The following RGSL1 variants were observed in gnomAD, a reference collection of about 807,000 sequenced individuals.
RGSL1 encodes the protein regulator of G protein signaling like 1.
A neutral mutation model predicts 124.7 loss-of-function variants in RGSL1; 97 were observed. That is an observed-to-expected ratio of 0.78 (90% CI 0.66 to 0.92). The LOEUF (loss-of-function observed/expected upper bound fraction) is 0.92. RGSL1 is among the 40% of genes least tolerant of loss of function. The probability of loss-of-function intolerance (pLI) is 0.00; values close to 1 mark genes in which losing one functional copy is unlikely to be tolerated. For missense variants in RGSL1, 1,233 were observed against 1,288.4 expected (o/e 0.96, Z 0.66); for synonymous variants, 424 against 438.1 (o/e 0.97, Z 0.40).
chr1:182,525,103 C>T (rs113479838), intron 10 of RGSL1, among the ~76,000 whole-genome samples: 1 of 152,046 alleles, frequency 6.6e-6, no homozygotes, highest in Admixed American at 6.6e-5. Context: ...TAACAAAAAG[C>T]GAAACATAAA....
chr1:182,505,156 A>C (rs1656719696), intron 9 of RGSL1, among the ~76,000 whole-genome samples: 1 of 152,186 alleles, frequency 6.6e-6, no homozygotes, highest in Non-Finnish European at 1.5e-5. Flanking sequence ...AAATTCTTTT[A>C]GTAATTTCAC....
At chr1:182,461,179 A>G (rs1163935946) in intron 4 of RGSL1, among the ~76,000 whole-genome samples, 4 of 151,612 alleles carry the variant, frequency 2.6e-5, no homozygotes, top group Admixed American at 2.6e-4. Flanking sequence ...GGATTAGGGC[A>G]TTCAAAAACA....
intron 9 of RGSL1, among the ~76,000 whole-genome samples, chr1:182,511,568 G>T (rs74666557): frequency 0.03 from 4,530 of 152,238 alleles, 194 homozygotes; most frequent in African/African-American, 0.098. Flanking sequence ...GGCTGTAAAG[G>T]CATGGATTTA....
chr1:182,467,773 T>C (rs577698710), intron 4 of RGSL1, among the ~76,000 whole-genome samples: 52 of 152,282 alleles, frequency 3.4e-4, no homozygotes, highest in African/African-American at 1.1e-3. Flanking sequence ...AAACAGGATC[T>C]AATTAAACTA....
chr1:182,545,390 T>C lies in RGSL1; in HGVS notation c.2670-2927T>C, dbSNP rs79573761. On this transcript the variant is annotated intron_variant, in intron 15 of 21. Transcript: ENST00000294854. ...AGATTGCTTTAGCTATTGTTCCTTC[T>C]GACAAATTTGTCTTTTAGGCTTCAT... Among the ~76,000 whole-genome samples, 452 of 152,310 alleles carry C rather than the reference T, an allele frequency of 3.0e-3. 5 individuals carry two copies. The highest frequency in any genetic ancestry group is 0.029 in the East Asian group (153 of 5,188).
chr1:182,502,402 CCT>C (rs922466715), intron 9 of RGSL1, among the ~76,000 whole-genome samples: 4 of 152,092 alleles, frequency 2.6e-5, no homozygotes, highest in South Asian at 4.2e-4. Context: ...ATAATGAGAC[CCT>C]GTCTCTACAA....
intron 15 of RGSL1, among the ~76,000 whole-genome samples, chr1:182,542,064 CAGA>C (rs1234255345): frequency 1.3e-5 from 2 of 152,130 alleles, no homozygotes. Context: ...CTTTGCTGTG[CAGA>C]AGCTTTTTAG....
intron 2 of RGSL1, among the ~76,000 whole-genome samples, chr1:182,454,584 G>GTA (rs1246426140): frequency 9.4e-6 from 1 of 106,600 alleles, no homozygotes; most frequent in South Asian, 3.4e-4. Context: ...CTCTTGAGTT[G>GTA]TATGTGTGTG....
chr1:182,515,455 T>C (rs1351631576), intron 9 of RGSL1, among the ~76,000 whole-genome samples: 3 of 150,350 alleles, frequency 2.0e-5, no homozygotes, highest in East Asian at 3.9e-4. Flanking sequence ...CCTGGCGAAT[T>C]TGCAGTTACT....
At chr1:182,496,983 C>A (rs777064307) in intron 9 of RGSL1, among the ~76,000 whole-genome samples, 1 of 152,056 alleles carries the variant, frequency 6.6e-6, no homozygotes, top group Non-Finnish European at 1.5e-5. Flanking sequence ...AATGCTTAGC[C>A]TTTATTGTTT....
At chr1:182,521,302 C>T (rs537369891) in intron 9 of RGSL1, among the ~76,000 whole-genome samples, 14 of 152,270 alleles carry the variant, frequency 9.2e-5, no homozygotes, top group African/African-American at 3.1e-4. Flanking sequence ...ATCTCCCAGC[C>T]TCAAGTGATC....
rs78720737 is a variant in RGSL1, at chr1:182,536,208, A to G, written c.2494+3417A>G. On this transcript the variant is annotated intron_variant, in intron 14 of 21. Transcript: ENST00000294854. ...TGTTTATTCATTCACCAATTGTTAC[A>G]TATTGGGTTGATTTCACTTTGGGGC... Among the ~76,000 whole-genome samples the G allele has an allele frequency of 9.6e-3, 1,464 of 152,268 alleles. 29 individuals carry two copies. Among genetic ancestry groups the G allele is most frequent in the African/African-American group, 0.034 (1,400 of 41,558 alleles).
intron 11 of RGSL1, 124 bp from the exon 12 acceptor site, chr1:182,530,120 G>C (rs1186559260): frequency 1.5e-6 from 1 of 659,984 alleles, no homozygotes; most frequent in African/African-American, 1.8e-5. Flanking sequence ...CGGGATCAGA[G>C]TCTAGCCAGA....
chr1:182,495,493 T>C (rs1655844402), intron 9 of RGSL1, among the ~76,000 whole-genome samples: 2 of 152,238 alleles, frequency 1.3e-5, no homozygotes, highest in Non-Finnish European at 2.9e-5. Flanking sequence ...TTTCTCCTTC[T>C]AAGCCCCTGG....
rs1660379569 is a variant in RGSL1, at chr1:182,548,746, C to G, written c.2855C>G (p.Thr952Arg). Residue 952 changes from threonine to arginine, a missense_variant, in exon 17 of 22, where the codon ACA becomes AGA. Physicochemically the swap from Thr to Arg is moderately conservative, Grantham distance 71. Coordinates refer to ENST00000294854, the MANE Select transcript of RGSL1 (RefSeq NM_001137669.2). The stretch of plus-strand genomic sequence containing the variant: ...AAGGATGCCATCCTTGCTGCCATCA[C>G]AGAGGGCTACCTAGATCGGAGCGTC... ...FQKDAILAAI[T>R]EGYLDRSVFH... 6.4e-7 allele frequency: 1 copy of G among 1,551,658 alleles called. No homozygotes were observed.
intron 9 of RGSL1, among the ~76,000 whole-genome samples, chr1:182,519,065 C>T (rs1240955085): frequency 6.6e-6 from 1 of 151,086 alleles, no homozygotes; most frequent in Non-Finnish European, 1.5e-5. Flanking sequence ...GTGTTTTCTT[C>T]TTATTTTAGT....
intron 11 of RGSL1, among the ~76,000 whole-genome samples, chr1:182,528,522 A>G (rs916205106): frequency 6.6e-6 from 1 of 152,218 alleles, no homozygotes; most frequent in Non-Finnish European, 1.5e-5. Flanking sequence ...GATACAATAG[A>G]GATACAGGCA....
At chr1:182,544,794 T>C (rs1034108173) in intron 15 of RGSL1, among the ~76,000 whole-genome samples, 5 of 152,096 alleles carry the variant, frequency 3.3e-5, no homozygotes, top group African/African-American at 1.2e-4. Flanking sequence ...TTTTATCTGA[T>C]ATAACTATAG....
intron 17 of RGSL1, chr1:182,550,506 G>A (rs1660490327): frequency 6.6e-6 from 1 of 152,282 alleles, no homozygotes; most frequent in African/African-American, 2.4e-5. Flanking sequence ...GTTGAAGGTA[G>A]GGATAACAAG....
Sources: gnomAD v4.1 joint callset for allele counts (sites outside exome capture counted in the v4.1 genomes callset) on GRCh38, gnomAD v4.1.1 for gene constraint, MANE v1.5 for transcripts, NCBI Gene and HGNC (gene_info 2026-07-23, HGNC 2026-07-21) for gene names.